FAT3: variants seen among roughly 807,000 people sequenced by gnomAD.
FAT3 encodes protocadherin Fat 3.
FAT3 carries 95 observed loss-of-function variants against 310.2 expected under a neutral mutation model. That is an observed-to-expected ratio of 0.31 (90% CI 0.26 to 0.36). FAT3 has a LOEUF of 0.36. Among genes scored for constraint, FAT3 ranks in the 10% least tolerant of loss-of-function variants. The probability of loss-of-function intolerance (pLI) is 1.00; values close to 1 mark genes in which losing one functional copy is unlikely to be tolerated. For synonymous variants in FAT3, 2,314 were observed against 2,192.9 expected, an observed-to-expected ratio of 1.06 and a Z score of -1.54; for missense variants, 5,408 against 5,715.6, an observed-to-expected ratio of 0.95 and a Z score of 1.74.
rs181898959 is a variant in FAT3, at chr11:92,361,181, A to C, written c.3292+5777A>C. Among the ~76,000 whole-genome samples, 6 of 152,196 alleles carry C rather than the reference A, an allele frequency of 3.9e-5. No homozygotes were observed. In the East Asian group the frequency reaches 1.2e-3, roughly 29 times the overall value. On this transcript the variant is annotated intron_variant, in intron 2 of 27. Transcript: ENST00000525166. ...GCTGAAGGAGTACTCACTATCTGGG[A>C]TATGATGTTCTCAAAGTGAGAGGCA...
intron 2 of FAT3, among the ~76,000 whole-genome samples, chr11:92,395,504 G>A (rs1949848262): frequency 6.6e-6 from 1 of 151,808 alleles, no homozygotes; most frequent in Admixed American, 6.6e-5. Context: ...AGTTCTCTCT[G>A]TTCTACAAGG....
intron 2 of FAT3, among the ~76,000 whole-genome samples, chr11:92,431,236 T>G (rs1409018058): frequency 6.6e-6 from 1 of 152,218 alleles, no homozygotes; most frequent in African/African-American, 2.4e-5. Flanking sequence ...CATTGTGGTT[T>G]TGATTTGCAT....
At chr11:92,571,536 A>G (rs1955663322) in intron 3 of FAT3, among the ~76,000 whole-genome samples, 1 of 151,952 alleles carries the variant, frequency 6.6e-6, no homozygotes, top group Admixed American at 6.6e-5. Context: ...ATCCATTAGC[A>G]CCTCACTTCT....
chr11:92,400,252 T>A (rs114474555), intron 2 of FAT3: 2 of 152,182 alleles, frequency 1.3e-5, no homozygotes, highest in African/African-American at 2.4e-5. Flanking sequence ...AGTGAGGTAA[T>A]GCCAAAGAAA....
chr11:92,492,671 T>A (rs1356869281), intron 2 of FAT3, among the ~76,000 whole-genome samples: 1 of 152,056 alleles, frequency 6.6e-6, no homozygotes, highest in Non-Finnish European at 1.5e-5. Flanking sequence ...CCCAACATAA[T>A]TGATACCACA....
chr11:92,545,665 A>T (rs1954593591), intron 3 of FAT3, among the ~76,000 whole-genome samples: 1 of 152,168 alleles, frequency 6.6e-6, no homozygotes, highest in South Asian at 2.1e-4. Flanking sequence ...GTGTTGGTAA[A>T]TTGCTCAAGG....
At chr11:92,556,330 T>C (rs12293365) in intron 3 of FAT3, among the ~76,000 whole-genome samples, 44,808 of 152,110 alleles carry the variant, frequency 0.29, 7,574 homozygotes, top group Non-Finnish European at 0.39. Flanking sequence ...TGTGCCTTGC[T>C]TGCCGTCATC....
At position 92,891,077 on chromosome 11, in the gene FAT3, T is replaced by A. The variant is rs2136450637; in HGVS notation, c.13734T>A (p.Ile4578=). Residue 4578 remains isoleucine, a synonymous_variant, in exon 28 of 28, where the codon ATT becomes ATA. Transcript: ENST00000525166. The stretch of plus-strand genomic sequence containing the variant: ...AGCTCAGCCTCGCCAGCCTTCACAT[T>A]CCCTTTGTGGAGACTCAGCATCAGA... ...VGELSLASLH[I]PFVETQHQTQ... 1 of 1,613,720 alleles carries A rather than the reference T, an allele frequency of 6.2e-7. No homozygotes were observed. The highest frequency in any genetic ancestry group is 8.5e-7 in the Non-Finnish European group (1 of 1,179,824).
At chr11:92,544,121 C>G (rs1045772228) in intron 3 of FAT3, among the ~76,000 whole-genome samples, 2 of 152,064 alleles carry the variant, frequency 1.3e-5, no homozygotes, top group African/African-American at 4.8e-5. Context: ...AGAAGAATCT[C>G]AAATTATTGG....
intron 2 of FAT3, among the ~76,000 whole-genome samples, chr11:92,410,958 T>TG: frequency 6.6e-6 from 1 of 151,000 alleles, no homozygotes; most frequent in South Asian, 2.1e-4. Context: ...CATTAGGTAC[T>TG]GTTGGTTTAT....
At chr11:92,473,869 G>A (rs961462979) in intron 2 of FAT3, among the ~76,000 whole-genome samples, 1 of 152,130 alleles carries the variant, frequency 6.6e-6, no homozygotes, top group African/African-American at 2.4e-5. Flanking sequence ...GGCACTTCAT[G>A]GGCCTTATGT....
At chr11:92,523,683 A>G (rs1279989779) in intron 2 of FAT3, among the ~76,000 whole-genome samples, 2 of 150,802 alleles carry the variant, frequency 1.3e-5, no homozygotes, top group Middle Eastern at 3.2e-3. Context: ...CACGCTTTCT[A>G]TGAGCCTCCT....
At chr11:92,831,310 C>T (rs935868952) in intron 13 of FAT3, among the ~76,000 whole-genome samples, 3 of 152,186 alleles carry the variant, frequency 2.0e-5, no homozygotes, top group Non-Finnish European at 4.4e-5. Context: ...TTCTGTGCCA[C>T]ATCTTTACCC....
chr11:92,279,669 CTT>C, intron 1 of FAT3, among the ~76,000 whole-genome samples: 1 of 152,096 alleles, frequency 6.6e-6, no homozygotes, highest in East Asian at 1.9e-4. Context: ...CACCTTGAGT[CTT>C]TATCATTTCT....
rs568497169 is a variant in FAT3 at position 92,232,769 on chromosome 11, A to G, written c.-18+7595A>G. ...TGAAGCATCACCAAAGCACTAGGCA[A>G]AACTCAGTACCTCTGAAAAACAACA... On this transcript the variant is annotated intron_variant, in intron 1 of 27. Transcript: ENST00000525166. 2.5e-4 allele frequency among the ~76,000 whole-genome samples: 38 copies of G among 152,030 alleles called. No homozygotes were observed. The South Asian group carries it at 5.6e-3, about 22-fold the overall frequency.
rs750073905 is a variant in FAT3 at position 92,788,130 on chromosome 11, C to G, written c.4336-1813C>G. 4.8e-4 allele frequency among the ~76,000 whole-genome samples: 73 copies of G among 152,080 alleles called. 1 individual carries two copies. The highest frequency in any genetic ancestry group is 5.4e-4 in the Non-Finnish European group (37 of 67,966). On this transcript the variant is annotated intron_variant, in intron 7 of 27. Coordinates refer to ENST00000525166, the MANE Select transcript of FAT3 (RefSeq NM_001367949.2). ...TGGAGAAATGGATAATGGGAAAATG[C>G]ACAAGATAACACTGGAAAAAATTAC...
At position 92,504,363 on chromosome 11, in the gene FAT3, T is replaced by C. The variant is rs147209776; in HGVS notation, c.3293-20271T>C. On this transcript the variant is annotated intron_variant, in intron 2 of 27. Transcript: ENST00000525166. ...GTTTGTTTAAGTAGCATTTGAAACCTCTCTGGTCTCTGCTCAGCACTCAAC... is the reference window on the plus strand; with the variant it reads ...GTTTGTTTAAGTAGCATTTGAAACCCCTCTGGTCTCTGCTCAGCACTCAAC... Among the ~76,000 whole-genome samples, 255 of 152,268 alleles carry C rather than the reference T, an allele frequency of 1.7e-3. 1 individual carries two copies. Among genetic ancestry groups the C allele is most frequent in the African/African-American group, 5.9e-3 (245 of 41,576 alleles).
intron 3 of FAT3, among the ~76,000 whole-genome samples, chr11:92,645,832 C>T (rs987406888): frequency 6.6e-6 from 1 of 152,136 alleles, no homozygotes; most frequent in Non-Finnish European, 1.5e-5. Context: ...AGATATTTGT[C>T]TCATTCATTT....
At chr11:92,309,833 C>A (rs1270924737) in intron 1 of FAT3, among the ~76,000 whole-genome samples, 1 of 152,122 alleles carries the variant, frequency 6.6e-6, no homozygotes, top group South Asian at 2.1e-4. Context: ...AAGGTAAGGG[C>A]TTCTGTAATT....
Sources: gnomAD v4.1 joint callset for allele counts (sites outside exome capture counted in the v4.1 genomes callset) on GRCh38, gnomAD v4.1.1 for gene constraint, MANE v1.5 for transcripts, NCBI Gene and HGNC (gene_info 2026-07-23, HGNC 2026-07-21) for gene names.